NDST4: variants seen among roughly 807,000 people sequenced by gnomAD.
NDST4 encodes N-heparan sulfate sulfotransferase 4.
NDST4 carries 63 observed loss-of-function variants against 100.8 expected under a neutral mutation model. That is an observed-to-expected ratio of 0.62 (90% CI 0.51 to 0.77). The LOEUF is 0.77. Among genes scored for constraint, NDST4 ranks in the 30% least tolerant of loss-of-function variants. The probability of loss-of-function intolerance (pLI) is 0.00; values close to 1 mark genes in which losing one functional copy is unlikely to be tolerated. For missense variants in NDST4, 943 were observed against 1,018.4 expected, an observed-to-expected ratio of 0.93 and a Z score of 1.01; for synonymous variants, 377 against 361.8, an observed-to-expected ratio of 1.04 and a Z score of -0.48.
chr4:115,098,874 T>A (rs77231849), intron 1 of NDST4, among the ~76,000 whole-genome samples: 3 of 152,084 alleles, frequency 2.0e-5, no homozygotes, highest in Middle Eastern at 3.2e-3. Flanking sequence ...TAATTTTTTT[T>A]ATATACATAT....
Position 114,986,832 on chromosome 4 carries a change from A to ATATATATATATATATATATTTTTTTTT in NDST4, c.979-9559_979-9558insAAAAAAAAATATATATATATATATATA. Among the ~76,000 whole-genome samples, 4 of 94,664 alleles carry ATATATATATATATATATATTTTTTTTT rather than the reference A, an allele frequency of 4.2e-5. 1 individual carries two copies. Among genetic ancestry groups the ATATATATATATATATATATTTTTTTTT allele is most frequent in the South Asian group, 4.2e-4 (1 of 2,354 alleles). 62.1% of individuals were successfully genotyped at this position (94,664 alleles called of 152,430 possible). On this transcript the variant is annotated intron_variant, in intron 2 of 13. Transcript: ENST00000264363. ...TATATATATATATATATATATATATATTTTAATATACTATTCCTATAAGCT... is the reference window on the plus strand; with the variant it reads ...TATATATATATATATATATATATATATATATATATATATATATATTTTTTTTTTTTTAATATACTATTCCTATAAGCT...
chr4:114,867,646 T>TAAAAAAAAAAAAAAAAAAAAAA (rs761173470), intron 7 of NDST4, among the ~76,000 whole-genome samples: 1 of 26,762 alleles, frequency 3.7e-5, no homozygotes, highest in African/African-American at 8.4e-5. Flanking sequence ...ATGAGAATTA[T>TAAAAAAAAAAAAAAAAAAAAAA]AAAAAAAAAA....
intron 10 of NDST4, among the ~76,000 whole-genome samples, chr4:114,843,751 G>T (rs1245662537): frequency 6.6e-6 from 1 of 151,864 alleles, no homozygotes; most frequent in Non-Finnish European, 1.5e-5. Context: ...TTCTATTTTG[G>T]CTATATTTTC....
rs529571212 is a variant in NDST4, at chr4:115,059,650, T to G, written c.978+16409A>C. On this transcript the variant is annotated intron_variant, in intron 2 of 13. Coordinates refer to ENST00000264363, the MANE Select transcript of NDST4 (RefSeq NM_022569.3). ...CAGACCATCTATCTTTTAACCCGCT[T>G]TTTCTAGTCTTTCACTTTGCAATGT... Among the ~76,000 whole-genome samples the G allele has an allele frequency of 3.9e-5, 6 of 152,202 alleles. No individual in the cohort carries two copies. The East Asian group carries it at 1.2e-3, about 29-fold the overall frequency.
At position 115,008,661 on chromosome 4, in the gene NDST4, A is replaced by G. The variant is rs1578449063; in HGVS notation, c.979-31387T>C. Among the ~76,000 whole-genome samples the G allele has an allele frequency of 1.6e-5, 2 of 128,202 alleles. 1 individual carries two copies. The highest frequency in any genetic ancestry group is 3.3e-5 in the Non-Finnish European group (2 of 60,084). 84.1% of individuals were successfully genotyped at this position (128,202 alleles called of 152,430 possible). A position where few individuals can be genotyped will look rare whatever the true frequency, so the allele number is the denominator to read the frequency against. On this transcript the variant is annotated intron_variant, in intron 2 of 13. Transcript: ENST00000264363. ...CCCTCTCTCACCACTCCTATTCAAC[A>G]TAGTGTTGGAAGTTCTGGCCAGGAC...
chr4:114,865,153 C>T (rs768143102), intron 7 of NDST4, among the ~76,000 whole-genome samples: 6 of 151,976 alleles, frequency 3.9e-5, no homozygotes, highest in Non-Finnish European at 8.8e-5. Context: ...CAACCTCTGC[C>T]TCCTGGAGTC....
At chr4:114,922,002 G>T (rs570900394) in intron 6 of NDST4, among the ~76,000 whole-genome samples, 2 of 147,098 alleles carry the variant, frequency 1.4e-5, no homozygotes, top group Non-Finnish European at 3.0e-5. Flanking sequence ...TGTTACAGTC[G>T]GTAGTTAGTC....
intron 3 of NDST4, among the ~76,000 whole-genome samples, chr4:114,973,486 T>C (rs1726561359): frequency 6.6e-6 from 1 of 151,966 alleles, no homozygotes; most frequent in Non-Finnish European, 1.5e-5. Context: ...ATCTAGATCC[T>C]GGTCTAGATA....
At chr4:115,021,778 C>CAT (rs1727832184) in intron 2 of NDST4, among the ~76,000 whole-genome samples, 1 of 150,094 alleles carries the variant, frequency 6.7e-6, no homozygotes, top group Non-Finnish European at 1.5e-5. Flanking sequence ...ATACACATTC[C>CAT]ATATATATAC....
chr4:114,928,137 T>C (rs1268522764), intron 6 of NDST4, among the ~76,000 whole-genome samples: 1 of 152,186 alleles, frequency 6.6e-6, no homozygotes, highest in Non-Finnish European at 1.5e-5. Flanking sequence ...CTAACTTCTT[T>C]CCTTGGCATG....
At chr4:115,081,622 A>T (rs1208789189) in intron 1 of NDST4, among the ~76,000 whole-genome samples, 2 of 152,224 alleles carry the variant, frequency 1.3e-5, no homozygotes, top group Non-Finnish European at 2.9e-5. Flanking sequence ...AAATTAAAAA[A>T]ATTACTTCAG....
intron 1 of NDST4, among the ~76,000 whole-genome samples, chr4:115,088,004 CTT>C (rs904172360): frequency 7.3e-5 from 11 of 151,662 alleles, no homozygotes; most frequent in Non-Finnish European, 1.2e-4. Context: ...TATTTTTACA[CTT>C]AGATTATGAT....
At position 115,053,530 on chromosome 4, in the gene NDST4, C is replaced by T. The variant is rs983226478; in HGVS notation, c.978+22529G>A. 5.3e-5 allele frequency among the ~76,000 whole-genome samples: 8 copies of T among 152,158 alleles called. No individual in the cohort carries two copies. In the South Asian group the frequency reaches 1.7e-3, roughly 32 times the overall value. The stretch of plus-strand genomic sequence containing the variant: ...TTTCACTGGCCTTTAAATTCTCAGT[C>T]CTTGCACTCTGGGGACATTTTACTA... On this transcript the variant is annotated intron_variant, in intron 2 of 13. Transcript: ENST00000264363.
At chr4:114,933,727 A>T (rs1466497714) in intron 6 of NDST4, among the ~76,000 whole-genome samples, 1 of 152,172 alleles carries the variant, frequency 6.6e-6, no homozygotes, top group South Asian at 2.1e-4. Context: ...AGGAAGACAT[A>T]CAAATGCCCA....
At chr4:115,026,005 T>C (rs933754393) in intron 2 of NDST4, among the ~76,000 whole-genome samples, 2 of 152,114 alleles carry the variant, frequency 1.3e-5, no homozygotes. Context: ...AAAATTAATA[T>C]TTATGATTTT....
At chr4:115,090,002 TACC>T (rs1207041382) in intron 1 of NDST4, among the ~76,000 whole-genome samples, 1 of 151,866 alleles carries the variant, frequency 6.6e-6, no homozygotes, top group Non-Finnish European at 1.5e-5. Flanking sequence ...AAATTTGATC[TACC>T]ATCTTCACCA....
At chr4:115,092,149 C>T (rs1164849008) in intron 1 of NDST4, among the ~76,000 whole-genome samples, 1 of 152,094 alleles carries the variant, frequency 6.6e-6, no homozygotes, top group Non-Finnish European at 1.5e-5. Context: ...CTGGGCAATA[C>T]TGGGATCTGG....
rs999032469 is a variant in NDST4 at position 114,986,807 on chromosome 4, T to C, written c.979-9533A>G. On this transcript the variant is annotated intron_variant, in intron 2 of 13. Transcript: ENST00000264363. Reference sequence around the variant, plus strand: ...ATCCAATTATACATATATATATATATATATATATATATATATATATATATA... The same window carrying C: ...ATCCAATTATACATATATATATATACATATATATATATATATATATATATA... 1.2e-4 allele frequency among the ~76,000 whole-genome samples: 6 copies of C among 50,614 alleles called. 1 individual carries two copies. Among genetic ancestry groups the C allele is most frequent in the African/African-American group, 3.2e-4 (6 of 18,898 alleles). The allele number at this position is 50,614 out of a possible 152,430, so 33.2% of individuals were successfully genotyped here.
At chr4:115,043,994 T>C (rs1398131417) in intron 2 of NDST4, among the ~76,000 whole-genome samples, 1 of 152,134 alleles carries the variant, frequency 6.6e-6, no homozygotes, top group Non-Finnish European at 1.5e-5. Context: ...TTTATTACAA[T>C]GTTGTGTTTG....
Sources: allele counts gnomAD v4.1 joint callset (sites outside exome capture counted in the v4.1 genomes callset), GRCh38; gene constraint gnomAD v4.1.1; transcripts MANE v1.5; gene names NCBI Gene and HGNC (gene_info 2026-07-23, HGNC 2026-07-21).